The following SDR42E2 variants were observed in gnomAD, a reference collection of about 807,000 sequenced individuals.
SDR42E2 encodes the protein short chain dehydrogenase/reductase family 42E, member 2, also known as putative short-chain dehydrogenase/reductase family 42E member 2.
Under a neutral mutation model 10.5 loss-of-function variants are expected in SDR42E2, and 20 were observed. The ratio of observed to expected loss-of-function variants is 1.90; its 90% CI spans 1.34 to 2.77. The LOEUF (loss-of-function observed/expected upper bound fraction) is 2.77, where lower values mean the gene tolerates loss of function less well. Among genes scored for constraint, SDR42E2 ranks in the 30% most tolerant of loss-of-function variants. The pLI, the probability that SDR42E2 is intolerant of heterozygous loss-of-function variation, is 0.00. For synonymous variants in SDR42E2, 72 were observed against 39.2 expected (o/e 1.84, Z -3.12); for missense variants, 162 against 104.2 (o/e 1.55, Z -2.42).
In SDR42E2 at chr16:22,178,149, G is replaced by C. The variant is rs150601790; in HGVS notation, c.609G>C (p.Thr203=). Residue 203 remains threonine (T), a synonymous_variant, in exon 8 of 13, where the codon ACG becomes ACC. Transcript: ENST00000602312. ...TGCTAGGAGGAGGCACTCTTCGGAC[G>C]TGTGTGCTCCGGCCTCCAGGGATCT... ...MPLPGGGTLR[T]CVLRPPGIYG... The C allele has an allele frequency of 6.0e-3, 4,214 of 702,844 alleles. 134 individuals carry two copies. The African/African-American group carries it at 0.062, about 10-fold the overall frequency. The allele number at this position is 702,844 out of a possible 1,614,324, so 43.5% of individuals were successfully genotyped here.
Position 22,165,625 on chromosome 16 carries a change from G to A in SDR42E2, c.43G>A (p.Ala15Thr), listed in dbSNP as rs1305370797. ...ACGCTCCTCCCTAGAGGCCTGCAAA[G>A]CTGCAGGCCAGGGTGAGAAGAGCTG... Reference protein sequence around the residue: ...PPRSSLEACKAAGQAPQQKTQ... With the variant: ...PPRSSLEACKTAGQAPQQKTQ... The change falls in exon 2 of 13, where the codon GCT (alanine) becomes ACT (threonine). Residue 15 changes from alanine to threonine, a missense_variant. Coordinates refer to ENST00000602312, the MANE Select transcript of SDR42E2 (RefSeq NM_001394319.2). The A allele has an allele frequency of 5.0e-6, 2 of 401,376 alleles. No individual in the cohort carries two copies. Among genetic ancestry groups the A allele is most frequent in the Non-Finnish European group, 8.8e-6 (2 of 226,484 alleles). 24.9% of individuals were successfully genotyped at this position (401,376 alleles called of 1,614,324 possible).
intron 5 of SDR42E2, 99 bp downstream of exon 5, chr16:22,169,601 G>T: frequency 2.9e-6 from 2 of 699,376 alleles, no homozygotes; most frequent in Non-Finnish European, 5.2e-6. Context: ...CAAAGGGAGG[G>T]CCTGTGGGCA....
At chr16:22,188,080 C>T (rs967986667) in intron 12 of SDR42E2, among the ~76,000 whole-genome samples, 3 of 146,228 alleles carry the variant, frequency 2.1e-5, no homozygotes, top group South Asian at 2.2e-4. Context: ...TGGGTGACAG[C>T]ACAAGACTCC....
intron 12 of SDR42E2, among the ~76,000 whole-genome samples, chr16:22,189,908 G>A (rs1288110764): frequency 2.6e-5 from 4 of 152,328 alleles, no homozygotes; most frequent in East Asian, 1.9e-4. Flanking sequence ...CGGGGCTGGA[G>A]GGGGCGACGC....
rs2046769618 is a variant in SDR42E2 at position 22,190,778 on chromosome 16, T to C, written c.*385T>C. On this transcript the variant is annotated 3_prime_UTR_variant, in exon 13 of 13. Transcript: ENST00000602312. ...CCACGCCCTTGACCCGCCCTTCAAA[T>C]TGGGCACGCCTTCTTCCCCGCTCAC... The C allele has an allele frequency of 5.2e-6, 1 of 193,884 alleles. No individual in the cohort carries two copies. The highest frequency in any genetic ancestry group is 1.3e-4 in the East Asian group (1 of 7,896). 12.0% of individuals were successfully genotyped at this position (193,884 alleles called of 1,614,324 possible).
chr16:22,179,345 G>A (rs2142074014), intron 8 of SDR42E2, among the ~76,000 whole-genome samples: 1 of 152,112 alleles, frequency 6.6e-6, no homozygotes, highest in African/African-American at 2.4e-5. Context: ...CAACCCCAGT[G>A]ACTCTCTCCC....
Position 22,172,124 on chromosome 16 carries a change from G to A in SDR42E2, c.514-132G>A. ...TCTCCCACCCAGGGGGAGAGGAAAG[G>A]CCATGGGGCTCAGGGCCTGGCCATA... On this transcript the variant is annotated intron_variant, in intron 6 of 12. Coordinates refer to ENST00000602312, the MANE Select transcript of SDR42E2 (RefSeq NM_001394319.2). 4.6e-6 allele frequency: 3 copies of A among 647,762 alleles called. 1 individual carries two copies. Among genetic ancestry groups the A allele is most frequent in the Non-Finnish European group, 2.8e-6 (1 of 356,834 alleles). 40.1% of individuals were successfully genotyped at this position (647,762 alleles called of 1,614,324 possible). A position where few individuals can be genotyped will look rare whatever the true frequency, so the allele number is the denominator to read the frequency against.
chr16:22,185,568 A>C (rs1328775401), intron 11 of SDR42E2, among the ~76,000 whole-genome samples: 3 of 152,112 alleles, frequency 2.0e-5, no homozygotes, highest in African/African-American at 7.2e-5. Flanking sequence ...CCGACCAATT[A>C]AATTGGGATT....
chr16:22,165,449 A>G (rs1035393227), intron 1 of SDR42E2, 98 bp from the exon 2 acceptor site: 3 of 393,396 alleles, frequency 7.6e-6, no homozygotes, highest in Non-Finnish European at 1.4e-5. Context: ...GAGAATTTCT[A>G]ATTTCCACCT....
intron 4 of SDR42E2, among the ~76,000 whole-genome samples, chr16:22,169,074 C>G (rs1392244532): frequency 6.6e-6 from 1 of 152,126 alleles, no homozygotes; most frequent in Non-Finnish European, 1.5e-5. Context: ...GTTCACCTTA[C>G]AGATAGGGAA....
chr16:22,189,708 G>A (rs775456331), intron 12 of SDR42E2, among the ~76,000 whole-genome samples: 7 of 152,156 alleles, frequency 4.6e-5, no homozygotes, highest in Non-Finnish European at 1.0e-4. Context: ...GTTGGTCTGG[G>A]GTTGGGGGCA....
chr16:22,181,592 A>G lies in SDR42E2; in HGVS notation c.746A>G (p.His249Arg), dbSNP rs1320439485. ...HKARMNWVHV[H>R]NLVQAHVLAA... is the part of the protein sequence containing the mutation. ...GCACGGATGAACTGGGTCCACGTAC[A>G]CAATCTGGTGCAGGCACACGTGCTG... The change falls in exon 9 of 13, where the codon CAC becomes CGC. Residue 249 changes from histidine to arginine, a missense_variant. By Grantham distance (29) the His-to-Arg change is conservative. Transcript: ENST00000602312. 2.8e-6 allele frequency: 2 copies of G among 703,044 alleles called. No homozygotes were observed. The highest frequency in any genetic ancestry group is 3.0e-5 in the South Asian group (2 of 67,606). The allele number at this position is 703,044 out of a possible 1,614,324, so 43.6% of individuals were successfully genotyped here. A position where few individuals can be genotyped will look rare whatever the true frequency, so the allele number is the denominator to read the frequency against.
intron 12 of SDR42E2, among the ~76,000 whole-genome samples, chr16:22,187,460 T>A (rs1371478933): frequency 6.6e-6 from 1 of 151,670 alleles, no homozygotes; most frequent in Non-Finnish European, 1.5e-5. Flanking sequence ...CTACAAAAAA[T>A]TTTAAAATTA....
At chr16:22,173,298 C>T (rs1436599704) in intron 7 of SDR42E2, among the ~76,000 whole-genome samples, 1 of 152,098 alleles carries the variant, frequency 6.6e-6, no homozygotes, top group African/African-American at 2.4e-5. Flanking sequence ...TGGCTCACTG[C>T]AACCTCTGCC....
chr16:22,179,016 C>G (rs1425606418), intron 8 of SDR42E2, among the ~76,000 whole-genome samples: 1 of 152,008 alleles, frequency 6.6e-6, no homozygotes. Context: ...TGTTTATAGT[C>G]AGGGTCTCAC....
chr16:22,170,740 A>G lies in SDR42E2; in HGVS notation c.395-93A>G, dbSNP rs191230352. On this transcript the variant is annotated intron_variant, in intron 5 of 12. Transcript: ENST00000602312. ...GTAGAGATCTGCATGACACCTCCTC[A>G]GCCGACTCTATGCTCACTTGTGTCC... 1.8e-4 allele frequency: 127 copies of G among 690,464 alleles called. 1 individual carries two copies. In the African/African-American group the frequency reaches 1.9e-3, roughly 11 times the overall value. 42.8% of individuals were successfully genotyped at this position (690,464 alleles called of 1,614,324 possible).
In SDR42E2 at chr16:22,166,893, C is replaced by T. The variant is rs779468833; in HGVS notation, c.241-11C>T. The stretch of plus-strand genomic sequence containing the variant: ...AACCCCCTGCCCTCATCTCTTCTTC[C>T]TCTGGTGCAGGCTGATGTCCGAGAT... On this transcript the variant is annotated splice_polypyrimidine_tract_variant and intron_variant, in intron 3 of 12. Coordinates refer to ENST00000602312, the MANE Select transcript of SDR42E2 (RefSeq NM_001394319.2). The T allele has an allele frequency of 7.6e-6, 5 of 656,214 alleles. No homozygotes were observed. The Middle Eastern group carries it at 7.2e-4, about 95-fold the overall frequency. The allele number at this position is 656,214 out of a possible 1,614,324, so 40.6% of individuals were successfully genotyped here. A position where few individuals can be genotyped will look rare whatever the true frequency, so the allele number is the denominator to read the frequency against.
chr16:22,179,105 T>A (rs1390811653), intron 8 of SDR42E2, among the ~76,000 whole-genome samples: 1 of 152,140 alleles, frequency 6.6e-6, no homozygotes, highest in Non-Finnish European at 1.5e-5. Context: ...GCGATCCTCC[T>A]GCCTTCTGAG....
chr16:22,183,786 G>A (rs1344856096), intron 10 of SDR42E2, among the ~76,000 whole-genome samples: 1 of 152,114 alleles, frequency 6.6e-6, no homozygotes, highest in Non-Finnish European at 1.5e-5. Context: ...TAAATGATGT[G>A]AATGATCCCA....
Sources: gnomAD v4.1 joint callset for allele counts (sites outside exome capture counted in the v4.1 genomes callset) on GRCh38, gnomAD v4.1.1 for gene constraint, MANE v1.5 for transcripts, NCBI Gene and HGNC (gene_info 2026-07-23, HGNC 2026-07-21) for gene names.